Variants in MRPL18 observed in about 807,000 individuals in gnomAD.
MRPL18 encodes the protein large ribosomal subunit protein uL18m.
A neutral mutation model predicts 20.9 loss-of-function variants in MRPL18; 16 were observed. The observed-to-expected ratio is 0.76, with a 90% confidence interval of 0.52 to 1.16. The LOEUF (loss-of-function observed/expected upper bound fraction) is 1.16, where lower values mean the gene tolerates loss of function less well. Among genes scored for constraint, MRPL18 ranks in the 50% most tolerant of loss-of-function variants. The pLI is 0.00. For missense variants in MRPL18, 233 were observed against 230.6 expected (o/e 1.01, Z -0.07); for synonymous variants, 91 against 87.1 (o/e 1.04, Z -0.25).
intron 2 of MRPL18, among the ~76,000 whole-genome samples, chr6:159,795,454 T>C (rs1209686829): frequency 9.7e-5 from 9 of 92,960 alleles, no homozygotes; most frequent in Admixed American, 8.7e-4. Context: ...GTGATGACTC[T>C]TAACGAGCAT....
chr6:159,791,520 G>C (rs1053788316), intron 2 of MRPL18, among the ~76,000 whole-genome samples: 1 of 152,208 alleles, frequency 6.6e-6, no homozygotes, highest in Non-Finnish European at 1.5e-5. Flanking sequence ...GATTAGCTTT[G>C]TAAGTCAAGA....
rs1781047996 is a variant in MRPL18, at chr6:159,797,141, C to T, written c.240-146C>T. On this transcript the variant is annotated intron_variant, in intron 2 of 3. Coordinates refer to ENST00000367034, the MANE Select transcript of MRPL18 (RefSeq NM_014161.5). ...TAAAGGCGGAGGAAAAATACTTTTC[C>T]CAAGCAAAATCCAAGTTAAATATGT... 4 of 772,488 alleles carry T rather than the reference C, an allele frequency of 5.2e-6. No individual in the cohort carries two copies. The Admixed American group carries it at 1.1e-4, about 21-fold the overall frequency. 47.9% of individuals were successfully genotyped at this position (772,488 alleles called of 1,614,324 possible).
chr6:159,796,190 C>T (rs2115011239), intron 2 of MRPL18, among the ~76,000 whole-genome samples: 1 of 140,776 alleles, frequency 7.1e-6, no homozygotes. Flanking sequence ...TTTTTTATGC[C>T]ATATGAGGGG....
chr6:159,793,399 T>C (rs1780953684), intron 2 of MRPL18, among the ~76,000 whole-genome samples: 1 of 152,178 alleles, frequency 6.6e-6, no homozygotes, highest in Admixed American at 6.5e-5. Context: ...AAAGAATATT[T>C]TGTGGCTTGG....
rs991721546 is a variant in MRPL18 at position 159,790,738 on chromosome 6, A to C, written c.52+99A>C. 17 of 1,529,904 alleles carry C rather than the reference A, an allele frequency of 1.1e-5. No homozygotes were observed. In the African/African-American group the frequency reaches 2.2e-4, roughly 20 times the overall value. 94.8% of individuals were successfully genotyped at this position (1,529,904 alleles called of 1,614,324 possible). A position where few individuals can be genotyped will look rare whatever the true frequency, so the allele number is the denominator to read the frequency against. On this transcript the variant is annotated intron_variant, in intron 1 of 3. Coordinates refer to ENST00000367034, the MANE Select transcript of MRPL18 (RefSeq NM_014161.5). Reference sequence around the variant, plus strand: ...ATTTTGTATTCGACGTGCCGGATCGAAATAGAGCTCGCGGCACTGCGAAGA... The same window carrying C: ...ATTTTGTATTCGACGTGCCGGATCGCAATAGAGCTCGCGGCACTGCGAAGA...
chr6:159,794,656 C>T (rs184367794), intron 2 of MRPL18, among the ~76,000 whole-genome samples: 45 of 152,248 alleles, frequency 3.0e-4, no homozygotes, highest in Non-Finnish European at 5.9e-4. Flanking sequence ...TGAGATTGAG[C>T]ATATTTTTGT....
At chr6:159,792,425 G>A (rs557238411) in intron 2 of MRPL18, among the ~76,000 whole-genome samples, 2 of 152,268 alleles carry the variant, frequency 1.3e-5, no homozygotes, top group East Asian at 3.9e-4. Context: ...GTTAGAGGCA[G>A]GAGTTACAAA....
chr6:159,797,898 CATT>C (rs973973470), intron 3 of MRPL18, among the ~76,000 whole-genome samples, 151 bp from the exon 4 acceptor site: 4 of 152,174 alleles, frequency 2.6e-5, no homozygotes, highest in Admixed American at 6.5e-5. Context: ...TTACTTACAT[CATT>C]ATTAAGATCA....
Position 159,791,138 on chromosome 6 carries a change from T to C in MRPL18, c.239+12T>C. 1 of 1,613,966 alleles carries C rather than the reference T, an allele frequency of 6.2e-7. No individual in the cohort carries two copies. The highest frequency in any genetic ancestry group is 8.5e-7 in the Non-Finnish European group (1 of 1,179,922). ...GAGTTCTGGCACAGGTAATTAAATC[T>C]GCTTGTGATTGACAAGGGCAGTGCA... On this transcript the variant is annotated intron_variant, in intron 2 of 3. Transcript: ENST00000367034.
chr6:159,798,098 G>A lies in MRPL18; in HGVS notation c.518G>A (p.Arg173Gln), dbSNP rs200819609. Residue 173 changes from arginine to glutamine, a missense_variant, in exon 4 of 4, where the codon CGG becomes CAG. Physicochemically the swap from Arg to Gln is conservative, Grantham distance 43. Transcript: ENST00000367034. ...SAMTEGGVVL[R>Q]EPQRIYE ...ATGACAGAAGGTGGTGTGGTTCTAC[G>A]GGAACCTCAGAGAATCTATGAATAA... 53 of 1,613,210 alleles carry A rather than the reference G, an allele frequency of 3.3e-5. No individual in the cohort carries two copies. Among genetic ancestry groups the A allele is most frequent in the Middle Eastern group, 1.6e-4 (1 of 6,082 alleles).
Position 159,790,583 on chromosome 6 carries a change from C to T in MRPL18, c.-5C>T, listed in dbSNP as rs1289014981. The T allele has an allele frequency of 4.4e-6, 7 of 1,608,008 alleles. No homozygotes were observed. The highest frequency in any genetic ancestry group is 5.9e-6 in the Non-Finnish European group (7 of 1,178,404). On this transcript the variant is annotated 5_prime_UTR_variant, in exon 1 of 4. Transcript: ENST00000367034. ...AGGCGAGGCTTTTCCGAGATCGTCT[C>T]AGCGATGGCGCTTCGGTCGCGGTTT... is the stretch of plus-strand genomic sequence containing the variant.
chr6:159,790,534 A>G lies in MRPL18; in HGVS notation c.-54A>G. 1 of 1,612,922 alleles carries G rather than the reference A, an allele frequency of 6.2e-7. No homozygotes were observed. Among genetic ancestry groups the G allele is most frequent in the Non-Finnish European group, 8.5e-7 (1 of 1,179,052 alleles). On this transcript the variant is annotated 5_prime_UTR_variant, in exon 1 of 4. Coordinates refer to ENST00000367034, the MANE Select transcript of MRPL18 (RefSeq NM_014161.5). ...TTTATATGGCTGCTCCTGGCGAGCG[A>G]CTGAGTCGTCCGTGAGGAAAAAGAG...
chr6:159,798,278 T>A lies in MRPL18; in HGVS notation c.*155T>A, dbSNP rs937896231. On this transcript the variant is annotated 3_prime_UTR_variant, in exon 4 of 4. Transcript: ENST00000367034. ...TGTAGTTAAGGTCATCCTCCTCCCC[T>A]TTCTGTTTTTTTAAATCAAGAACTA... The A allele has an allele frequency of 1.8e-6, 1 of 549,386 alleles. No homozygotes were observed. The highest frequency in any genetic ancestry group is 3.8e-5 in the Admixed American group (1 of 26,648). 34.0% of individuals were successfully genotyped at this position (549,386 alleles called of 1,614,324 possible). A position where few individuals can be genotyped will look rare whatever the true frequency, so the allele number is the denominator to read the frequency against.
upstream of MRPL18, chr6:159,790,426 G>C (rs148582718): frequency 1.5e-3 from 1,249 of 806,822 alleles, 12 homozygotes; most frequent in African/African-American, 0.019. Context: ...CCACTCAGTG[G>C]CAGGGGACTT....
upstream of MRPL18, chr6:159,789,990 A>T: frequency 5.7e-6 from 1 of 175,878 alleles, no homozygotes; most frequent in Non-Finnish European, 1.2e-5. Context: ...TTTTAGGTTT[A>T]GTGTCTTTTC....
Position 159,790,643 on chromosome 6 carries a change from A to G in MRPL18, c.52+4A>G, listed in dbSNP as rs1241842741. 1 of 1,614,040 alleles carries G rather than the reference A, an allele frequency of 6.2e-7. No homozygotes were observed. On this transcript the variant is annotated splice_donor_region_variant and intron_variant, in intron 1 of 3. Coordinates refer to ENST00000367034, the MANE Select transcript of MRPL18 (RefSeq NM_014161.5). ...TTCTCGGTTTGCAGGAACCCTGGTA[A>G]TTAGTCTTGCCCCCCTTCTCCCAGC... is the stretch of plus-strand genomic sequence containing the variant.
chr6:159,797,622 G>T lies in MRPL18; in HGVS notation c.471+104G>T. 3.8e-6 allele frequency: 4 copies of T among 1,059,132 alleles called. No individual in the cohort carries two copies. The South Asian group carries it at 6.0e-5, about 16-fold the overall frequency. 65.6% of individuals were successfully genotyped at this position (1,059,132 alleles called of 1,614,324 possible). A position where few individuals can be genotyped will look rare whatever the true frequency, so the allele number is the denominator to read the frequency against. On this transcript the variant is annotated intron_variant, in intron 3 of 3. Coordinates refer to ENST00000367034, the MANE Select transcript of MRPL18 (RefSeq NM_014161.5). ...TTTTTACTTACCAAATACTTTCCAT[G>T]TGTCAGACCCTTTGGTGAGTACTCA... is the stretch of plus-strand genomic sequence containing the variant.
upstream of MRPL18, chr6:159,790,365 C>T (rs1351640100): frequency 7.9e-6 from 5 of 636,736 alleles, no homozygotes; most frequent in Non-Finnish European, 1.4e-5. Context: ...CCTGCGTGCC[C>T]CTCGACGTGA....
intron 3 of MRPL18, 95 bp downstream of exon 3, chr6:159,797,613 A>G: frequency 2.6e-6 from 3 of 1,159,754 alleles, no homozygotes; most frequent in Non-Finnish European, 3.7e-6. Context: ...CTTACCAAAT[A>G]CTTTCCATGT....
Sources: gnomAD v4.1 joint callset for allele counts (sites outside exome capture counted in the v4.1 genomes callset) on GRCh38, gnomAD v4.1.1 for gene constraint, MANE v1.5 for transcripts, NCBI Gene and HGNC (gene_info 2026-07-23, HGNC 2026-07-21) for gene names.